PTK2: variants seen among roughly 807,000 people sequenced by gnomAD.
The protein encoded by PTK2 is focal adhesion kinase 1.
A neutral mutation model predicts 150.1 loss-of-function variants in PTK2; 45 were observed. That is an observed-to-expected ratio of 0.30 (90% CI 0.24 to 0.38). The LOEUF is 0.38. Among genes scored for constraint, PTK2 ranks in the 10% least tolerant of loss-of-function variants. PTK2 has a pLI of 1.00. For missense variants in PTK2, 919 were observed against 1,307.3 expected, an observed-to-expected ratio of 0.70 and a Z score of 4.58; for synonymous variants, 432 against 449.2, an observed-to-expected ratio of 0.96 and a Z score of 0.48.
intron 26 of PTK2, among the ~76,000 whole-genome samples, chr8:140,699,769 T>C (rs10112148): frequency 0.41 from 62,405 of 151,860 alleles, 14,536 homozygotes; most frequent in Non-Finnish European, 0.54. Flanking sequence ...AATTTATCCC[T>C]AAAAGATAAT....
chr8:140,921,220 G>T, intron 2 of PTK2: 1 of 822,600 alleles, frequency 1.2e-6, no homozygotes, highest in Non-Finnish European at 1.5e-6. Context: ...TGTGTTCCTA[G>T]ATTCATTCAG....
intron 5 of PTK2, 122 bp from the exon 6 acceptor site, chr8:140,846,800 G>A: frequency 1.6e-6 from 1 of 619,276 alleles, no homozygotes; most frequent in South Asian, 2.4e-5. Context: ...AATTACGCTT[G>A]ATGTTAAAGA....
intron 1 of PTK2, among the ~76,000 whole-genome samples, chr8:140,931,008 T>C (rs1469631215): frequency 6.7e-6 from 1 of 148,674 alleles, no homozygotes; most frequent in African/African-American, 2.5e-5. Flanking sequence ...AAGGCAAAGG[T>C]TGCAGTAAGC....
chr8:140,958,817 T>C (rs2100182098), intron 1 of PTK2, among the ~76,000 whole-genome samples: 1 of 152,252 alleles, frequency 6.6e-6, no homozygotes, highest in Non-Finnish European at 1.5e-5. Flanking sequence ...AAATTTAAAA[T>C]CACATGTGGC....
chr8:140,883,228 A>G (rs2100150245), intron 3 of PTK2, among the ~76,000 whole-genome samples: 1 of 152,210 alleles, frequency 6.6e-6, no homozygotes, highest in East Asian at 1.9e-4. Flanking sequence ...TGAAGTGCCT[A>G]CTACATGCAT....
At chr8:140,829,765 C>T (rs1173720700) in intron 8 of PTK2, among the ~76,000 whole-genome samples, 1 of 152,144 alleles carries the variant, frequency 6.6e-6, no homozygotes, top group African/African-American at 2.4e-5. Context: ...CTACAAAATA[C>T]TATTTTCTTC....
At chr8:140,811,509 T>C (rs1837546994) in intron 10 of PTK2, among the ~76,000 whole-genome samples, 2 of 152,200 alleles carry the variant, frequency 1.3e-5, no homozygotes, top group Non-Finnish European at 1.5e-5. Flanking sequence ...CCAGAGTGCC[T>C]TCTTTCCTCT....
At chr8:140,659,752 A>C in intron 31 of PTK2, 74 bp from the exon 36 acceptor site, 1 of 1,358,684 alleles carries the variant, frequency 7.4e-7, no homozygotes, top group Admixed American at 2.0e-5. Context: ...AGATGTTCTT[A>C]CTGTGTTGTC....
chr8:140,948,117 A>T (rs2100178312), intron 1 of PTK2, among the ~76,000 whole-genome samples: 1 of 152,194 alleles, frequency 6.6e-6, no homozygotes, highest in Non-Finnish European at 1.5e-5. Context: ...ACTTACAGAC[A>T]ATAAAGGATC....
At chr8:140,805,802 T>C (rs1215396352) in intron 10 of PTK2, among the ~76,000 whole-genome samples, 1 of 152,198 alleles carries the variant, frequency 6.6e-6, no homozygotes, top group Non-Finnish European at 1.5e-5. Context: ...CCTTCATCCA[T>C]GCTACTATAT....
chr8:140,954,583 A>G, intron 1 of PTK2, among the ~76,000 whole-genome samples: 1 of 152,216 alleles, frequency 6.6e-6, no homozygotes, highest in East Asian at 1.9e-4. Flanking sequence ...TCTACACATA[A>G]TAGGCACTAA....
intron 11 of PTK2, 123 bp from the exon 12 acceptor site, chr8:140,800,699 GA>G: frequency 1.4e-6 from 1 of 693,588 alleles, no homozygotes. Context: ...AATGAAACAA[GA>G]TTTGTCATGA....
Position 140,956,334 on chromosome 8 carries a change from G to A in PTK2, c.-121-30585C>T, listed in dbSNP as rs75057189. Among the ~76,000 whole-genome samples the A allele has an allele frequency of 4.5e-3, 690 of 152,260 alleles. 4 individuals carry two copies. The highest frequency in any genetic ancestry group is 0.016 in the African/African-American group (650 of 41,550). On this transcript the variant is annotated intron_variant, in intron 1 of 31. Coordinates refer to ENST00000522684, the Ensembl canonical transcript of PTK2. Reference sequence around the variant, plus strand: ...GAACAACACGGGAGGGTGGGGAAGCGGGGAAGGAATAAAAAAGCCACTTGG... The same window carrying A: ...GAACAACACGGGAGGGTGGGGAAGCAGGGAAGGAATAAAAAAGCCACTTGG...
intron 1 of PTK2, among the ~76,000 whole-genome samples, chr8:140,958,081 T>A (rs144067546): frequency 2.0e-5 from 3 of 152,308 alleles, no homozygotes; most frequent in East Asian, 3.9e-4. Context: ...ATGCAAACTG[T>A]TAGAACTATG....
At position 140,693,462 on chromosome 8, in the gene PTK2, G is replaced by T. The variant is rs149739274; in HGVS notation, c.2500-6768C>A. ...GTCGCAGCTACTCTGGAAGGAGGCT[G>T]AGGCAGGAGGATGACTTGAGCCCAG... On this transcript the variant is annotated intron_variant, in intron 26 of 31. Coordinates refer to ENST00000522684, the Ensembl canonical transcript of PTK2. Among the ~76,000 whole-genome samples the T allele has an allele frequency of 6.0e-3, 907 of 151,188 alleles. 11 individuals are homozygous for T. Among genetic ancestry groups the T allele is most frequent in the Non-Finnish European group, 7.4e-3 (502 of 67,898 alleles).
intron 2 of PTK2, among the ~76,000 whole-genome samples, chr8:140,902,939 T>TTTTG (rs1568516620): frequency 1.4e-5 from 2 of 139,498 alleles, no homozygotes; most frequent in Non-Finnish European, 1.6e-5. Flanking sequence ...TTTTTTTTTT[T>TTTTG]TTTTTTTTTT....
chr8:140,948,771 T>A (rs1301962736), intron 1 of PTK2: 2 of 152,198 alleles, frequency 1.3e-5, no homozygotes, highest in African/African-American at 4.8e-5. Context: ...ATACCAAGCA[T>A]GTACTGATGC....
intron 17 of PTK2, chr8:140,750,485 A>G (rs1241442625): frequency 6.6e-6 from 1 of 152,220 alleles, no homozygotes; most frequent in African/African-American, 2.4e-5. Flanking sequence ...ATTAGGAAGA[A>G]AAAGAACTAG....
intron 4 of PTK2, among the ~76,000 whole-genome samples, chr8:140,873,424 C>G (rs1318300503): frequency 6.6e-6 from 1 of 152,038 alleles, no homozygotes; most frequent in Non-Finnish European, 1.5e-5. Context: ...ATGATAACAT[C>G]TTCATGTCTC....
Sources: allele counts gnomAD v4.1 joint callset (sites outside exome capture counted in the v4.1 genomes callset), GRCh38; gene constraint gnomAD v4.1.1; transcripts MANE v1.5; gene names NCBI Gene and HGNC (gene_info 2026-07-23, HGNC 2026-07-21).